RASSF8: variants seen among roughly 807,000 people sequenced by gnomAD.
The protein encoded by RASSF8 is Ras association domain family member 8.
A neutral mutation model predicts 48.5 loss-of-function variants in RASSF8; 22 were observed. The observed-to-expected ratio is 0.45, with a 90% confidence interval of 0.32 to 0.65. RASSF8 has a LOEUF of 0.65. RASSF8 is among the 30% of genes least tolerant of loss of function. The pLI, the probability that RASSF8 is intolerant of heterozygous loss-of-function variation, is 0.03. For synonymous variants in RASSF8, 127 were observed against 171.5 expected (o/e 0.74, Z 2.03); for missense variants, 418 against 489.2 (o/e 0.85, Z 1.37).
At chr12:25,992,005 A>C (rs1156332807) in intron 1 of RASSF8, among the ~76,000 whole-genome samples, 1 of 152,156 alleles carries the variant, frequency 6.6e-6, no homozygotes, top group Non-Finnish European at 1.5e-5. Context: ...GTTGGTGTTC[A>C]TTGATTTATG....
intron 2 of RASSF8, among the ~76,000 whole-genome samples, chr12:26,012,132 G>A (rs1942541874): frequency 6.6e-6 from 1 of 152,058 alleles, no homozygotes; most frequent in South Asian, 2.1e-4. Flanking sequence ...TTGAAGTCTC[G>A]GCTTTTCCTC....
At chr12:26,009,806 G>C (rs1042753280) in intron 2 of RASSF8, among the ~76,000 whole-genome samples, 1 of 152,104 alleles carries the variant, frequency 6.6e-6, no homozygotes, top group African/African-American at 2.4e-5. Flanking sequence ...TAGATGGTAG[G>C]GGCAAAAGCA....
chr12:26,058,977 A>G (rs939406831), intron 3 of RASSF8, among the ~76,000 whole-genome samples: 1 of 152,186 alleles, frequency 6.6e-6, no homozygotes, highest in Admixed American at 6.5e-5. Context: ...TACACCCTGA[A>G]CTTTCTGAAA....
chr12:26,055,901 A>C (rs1203236867), intron 3 of RASSF8, among the ~76,000 whole-genome samples: 1 of 152,292 alleles, frequency 6.6e-6, no homozygotes, highest in South Asian at 2.1e-4. Flanking sequence ...AAATCTTATG[A>C]TTGGCTGGGC....
At position 26,019,845 on chromosome 12, in the gene RASSF8, A is replaced by C. The variant is rs372283494; in HGVS notation, c.-109+24715A>C. Among the ~76,000 whole-genome samples, 143 of 152,190 alleles carry C rather than the reference A, an allele frequency of 9.4e-4. 2 individuals carry two copies. In the South Asian group the frequency reaches 0.022, roughly 23 times the overall value. On this transcript the variant is annotated intron_variant, in intron 2 of 5. Transcript: ENST00000689635. The stretch of plus-strand genomic sequence containing the variant: ...TGTATTTTAAACTGTGACTTAGATA[A>C]TTCTCTTATAAGGGGGAATTAATTT...
chr12:26,071,862 A>G lies in RASSF8; in HGVS notation c.*3044A>G, dbSNP rs945728231. ...TGTGAAATATGAAGTATAGCAATATATAACAAGAACATGTAAGCACTTGCT... is the reference window on the plus strand; with the variant it reads ...TGTGAAATATGAAGTATAGCAATATGTAACAAGAACATGTAAGCACTTGCT... On this transcript the variant is annotated 3_prime_UTR_variant, in exon 6 of 6. Transcript: ENST00000689635. The G allele has an allele frequency of 1.0e-6, 1 of 984,450 alleles. No individual in the cohort carries two copies. The highest frequency in any genetic ancestry group is 1.2e-6 in the Non-Finnish European group (1 of 829,144). The allele number at this position is 984,450 out of a possible 1,614,324, so 61.0% of individuals were successfully genotyped here.
chr12:26,043,335 T>G (rs12578169), intron 2 of RASSF8, among the ~76,000 whole-genome samples: 6,590 of 152,008 alleles, frequency 0.043, 558 homozygotes, highest in East Asian at 0.27. Context: ...AGTGATAGAT[T>G]GAGAGAACAG....
chr12:26,077,439 G>A (rs968726333), downstream of RASSF8, among the ~76,000 whole-genome samples: 3 of 152,068 alleles, frequency 2.0e-5, no homozygotes, highest in Non-Finnish European at 4.4e-5. Flanking sequence ...TAATTTTTGT[G>A]TAAGGTGTAA....
intron 2 of RASSF8, among the ~76,000 whole-genome samples, chr12:26,022,991 C>T (rs1942823963): frequency 6.6e-6 from 1 of 152,146 alleles, no homozygotes; most frequent in Non-Finnish European, 1.5e-5. Flanking sequence ...AGGTGATCAC[C>T]CACCTCGGCC....
chr12:25,965,159 T>C (rs1039457890), intron 1 of RASSF8, among the ~76,000 whole-genome samples: 1 of 152,050 alleles, frequency 6.6e-6, no homozygotes, highest in African/African-American at 2.4e-5. Flanking sequence ...GCCAGGATGG[T>C]CTTGATTTCC....
downstream of RASSF8, among the ~76,000 whole-genome samples, chr12:26,075,501 T>C (rs1944063994): frequency 1.3e-5 from 2 of 152,218 alleles, no homozygotes; most frequent in Admixed American, 1.3e-4. Context: ...TCATCCAGTA[T>C]GTTGGAATCC....
At chr12:26,032,466 A>G (rs1050228708) in intron 2 of RASSF8, among the ~76,000 whole-genome samples, 4 of 152,146 alleles carry the variant, frequency 2.6e-5, no homozygotes. Context: ...GACTCTTGGG[A>G]CTGTTTCATG....
At chr12:25,976,750 T>C (rs1381275142) in intron 1 of RASSF8, among the ~76,000 whole-genome samples, 1 of 152,178 alleles carries the variant, frequency 6.6e-6, no homozygotes, top group African/African-American at 2.4e-5. Context: ...CCAGTTCTTT[T>C]TTCAAAATGC....
chr12:26,079,882 AC>A (rs1379248155), exon 6 of RASSF8: 1 of 152,150 alleles, frequency 6.6e-6, no homozygotes, highest in Non-Finnish European at 1.5e-5. Flanking sequence ...AAACTATCAT[AC>A]AACCCAGCAG....
chr12:26,033,619 G>A (rs1468357896), intron 2 of RASSF8, among the ~76,000 whole-genome samples: 1 of 152,012 alleles, frequency 6.6e-6, no homozygotes, highest in Non-Finnish European at 1.5e-5. Flanking sequence ...TTTAATGATA[G>A]AGGCATAAGA....
chr12:26,033,617 T>C (rs980086791), intron 2 of RASSF8, among the ~76,000 whole-genome samples: 1 of 152,162 alleles, frequency 6.6e-6, no homozygotes, highest in Non-Finnish European at 1.5e-5. Context: ...TTTTTAATGA[T>C]AGAGGCATAA....
chr12:26,067,716 A>G lies in RASSF8; in HGVS notation c.1138+3A>G, dbSNP rs765418638. On this transcript the variant is annotated splice_donor_region_variant and intron_variant, in intron 5 of 5. Coordinates refer to ENST00000689635, the MANE Select transcript of RASSF8 (RefSeq NM_001394098.1). ...CTCACATGCAGACATTGAAAGGGGTAAGATGTTGATAAATATGGTTTATTT... is the reference window on the plus strand; with the variant it reads ...CTCACATGCAGACATTGAAAGGGGTGAGATGTTGATAAATATGGTTTATTT... 7.4e-6 allele frequency: 12 copies of G among 1,613,520 alleles called. No homozygotes were observed. The African/African-American group carries it at 1.5e-4, about 20-fold the overall frequency.
At chr12:25,971,551 C>G (rs1293133860) in intron 1 of RASSF8, among the ~76,000 whole-genome samples, 1 of 151,306 alleles carries the variant, frequency 6.6e-6, no homozygotes, top group African/African-American at 2.4e-5. Flanking sequence ...AGGAGTCTTC[C>G]TAGTTTTCAT....
At chr12:26,000,285 T>G (rs1942225418) in intron 2 of RASSF8, among the ~76,000 whole-genome samples, 1 of 152,114 alleles carries the variant, frequency 6.6e-6, no homozygotes, top group South Asian at 2.1e-4. Context: ...ATACATATAC[T>G]AGAAAAGAGT....
Sources: gnomAD v4.1 joint callset for allele counts (sites outside exome capture counted in the v4.1 genomes callset) on GRCh38, gnomAD v4.1.1 for gene constraint, MANE v1.5 for transcripts, NCBI Gene and HGNC (gene_info 2026-07-23, HGNC 2026-07-21) for gene names.